Variants in MGMT observed in about 807,000 individuals in gnomAD.
MGMT encodes the protein methylated-DNA--protein-cysteine methyltransferase.
Under a neutral mutation model 15.9 loss-of-function variants are expected in MGMT, and 14 were observed. The ratio of observed to expected loss-of-function variants is 0.88; its 90% confidence interval spans 0.58 to 1.37. MGMT has a LOEUF of 1.37. MGMT is among the 40% of genes most tolerant of loss of function. The pLI, the probability that MGMT is intolerant of heterozygous loss-of-function variation, is 0.00. For missense variants in MGMT, 282 were observed against 268.1 expected, an observed-to-expected ratio of 1.05 and a Z score of -0.36; for synonymous variants, 130 against 118.2, an observed-to-expected ratio of 1.10 and a Z score of -0.65.
At chr10:129,596,680 T>C (rs1290412397) in intron 2 of MGMT, among the ~76,000 whole-genome samples, 1 of 152,216 alleles carries the variant, frequency 6.6e-6, no homozygotes, top group African/African-American at 2.4e-5. Context: ...TTGCACCTGC[T>C]TTTGATGCCT....
At chr10:129,470,783 C>G (rs868483617) in intron 1 of MGMT, among the ~76,000 whole-genome samples, 1 of 152,246 alleles carries the variant, frequency 6.6e-6, no homozygotes, top group African/African-American at 2.4e-5. Context: ...AGTGGCTCAG[C>G]AGCAGAGCAG....
intron 2 of MGMT, among the ~76,000 whole-genome samples, chr10:129,679,618 TG>T (rs1433892382): frequency 6.6e-6 from 1 of 152,194 alleles, no homozygotes; most frequent in Non-Finnish European, 1.5e-5. Context: ...GGACGTGCTG[TG>T]GGGTATTTTT....
chr10:129,582,719 G>A (rs571228407), intron 2 of MGMT, among the ~76,000 whole-genome samples: 1 of 151,822 alleles, frequency 6.6e-6, no homozygotes, highest in Non-Finnish European at 1.5e-5. Context: ...TTCCCCCTTC[G>A]GATAAAGCAT....
At chr10:129,562,437 A>G (rs540575876) in intron 2 of MGMT, among the ~76,000 whole-genome samples, 2 of 152,354 alleles carry the variant, frequency 1.3e-5, no homozygotes, top group South Asian at 2.1e-4. Context: ...GTGATTTATT[A>G]TCGGAGGACA....
intron 3 of MGMT, among the ~76,000 whole-genome samples, chr10:129,731,776 G>T (rs1848500646): frequency 6.6e-6 from 1 of 152,150 alleles, no homozygotes; most frequent in Non-Finnish European, 1.5e-5. Context: ...TATGCTTCTG[G>T]AAATGAGTTT....
At chr10:129,611,427 T>C (rs1427673598) in intron 2 of MGMT, among the ~76,000 whole-genome samples, 1 of 152,136 alleles carries the variant, frequency 6.6e-6, no homozygotes, top group African/African-American at 2.4e-5. Flanking sequence ...ATCATGAGAA[T>C]AGCAAGGGGG....
At chr10:129,581,919 A>G (rs963582632) in intron 2 of MGMT, among the ~76,000 whole-genome samples, 1 of 152,196 alleles carries the variant, frequency 6.6e-6, no homozygotes, top group African/African-American at 2.4e-5. Flanking sequence ...AGTGTACTCA[A>G]TCAGCTTTCT....
At chr10:129,642,081 G>T (rs1486630939) in intron 2 of MGMT, among the ~76,000 whole-genome samples, 2 of 152,152 alleles carry the variant, frequency 1.3e-5, no homozygotes, top group Non-Finnish European at 2.9e-5. Context: ...TTGTTGGACA[G>T]CAACAGAACT....
At chr10:129,493,329 G>A (rs750805150) in intron 1 of MGMT, among the ~76,000 whole-genome samples, 39 of 152,122 alleles carry the variant, frequency 2.6e-4, no homozygotes, top group Non-Finnish European at 5.3e-4. Flanking sequence ...GTCATGAGGT[G>A]TGCACCTTCT....
chr10:129,473,712 G>A (rs558065790), intron 1 of MGMT, among the ~76,000 whole-genome samples: 11 of 152,372 alleles, frequency 7.2e-5, no homozygotes, highest in African/African-American at 2.6e-4. Flanking sequence ...ATGTGACCAA[G>A]TGTTGTCTTT....
At position 129,525,846 on chromosome 10, in the gene MGMT, C is replaced by A. The variant is rs138778180; in HGVS notation, c.-12-10395C>A. ...GTAGCCGGGTTCACAGAACTTTAGCCACAAACAGGAGTGTTTCCCTTTTTC... is the reference window on the plus strand; with the variant it reads ...GTAGCCGGGTTCACAGAACTTTAGCAACAAACAGGAGTGTTTCCCTTTTTC... On this transcript the variant is annotated intron_variant, in intron 1 of 4. Transcript: ENST00000651593. Among the ~76,000 whole-genome samples the A allele has an allele frequency of 5.9e-3, 897 of 152,300 alleles. 3 individuals carry two copies. Among genetic ancestry groups the A allele is most frequent in the Non-Finnish European group, 9.6e-3 (650 of 68,024 alleles).
intron 3 of MGMT, among the ~76,000 whole-genome samples, chr10:129,743,496 C>G (rs1390433890): frequency 6.6e-6 from 1 of 152,228 alleles, no homozygotes; most frequent in African/African-American, 2.4e-5. Flanking sequence ...GCCCACAGTT[C>G]TGACAGAGGT....
intron 2 of MGMT, among the ~76,000 whole-genome samples, chr10:129,575,643 A>G (rs1225262729): frequency 8.3e-4 from 120 of 143,724 alleles, no homozygotes; most frequent in South Asian, 9.1e-4. Context: ...GCAAGAGCAA[A>G]CACATTCAAA....
intron 3 of MGMT, among the ~76,000 whole-genome samples, chr10:129,732,628 A>G (rs1209717606): frequency 6.6e-6 from 1 of 150,426 alleles, no homozygotes; most frequent in Non-Finnish European, 1.5e-5. Context: ...ACATATGTAT[A>G]CATGTGCCAT....
intron 1 of MGMT, among the ~76,000 whole-genome samples, chr10:129,488,513 G>C (rs1042125089): frequency 6.6e-6 from 1 of 152,124 alleles, no homozygotes; most frequent in Non-Finnish European, 1.5e-5. Flanking sequence ...TTGTGGCCAT[G>C]TTTTCATTCT....
intron 2 of MGMT, among the ~76,000 whole-genome samples, chr10:129,668,731 C>T (rs981806225): frequency 2.0e-5 from 3 of 152,096 alleles, no homozygotes; most frequent in Non-Finnish European, 4.4e-5. Flanking sequence ...TAAGACATTT[C>T]CATTAGTATA....
Position 129,659,944 on chromosome 10 carries a change from G to A in MGMT, c.126-47951G>A, listed in dbSNP as rs1349240149. Among the ~76,000 whole-genome samples the A allele has an allele frequency of 2.0e-5, 3 of 152,188 alleles. No homozygotes were observed. The highest frequency in any genetic ancestry group is 1.3e-4 in the Admixed American group (2 of 15,290). Reference sequence around the variant, plus strand: ...CTCTCTATGGCATTAGTAGATGCTGGAAGATGAGGCCGTGTTTTCTCTTTC... The same window carrying A: ...CTCTCTATGGCATTAGTAGATGCTGAAAGATGAGGCCGTGTTTTCTCTTTC... On this transcript the variant is annotated intron_variant, in intron 2 of 4. Transcript: ENST00000651593. This position sits in a 1 kb window ranked among gnomAD's most constrained non-coding sequence, Gnocchi z 4.1.
Position 129,708,051 on chromosome 10 carries a change from AC to A in MGMT, c.274+9del, listed in dbSNP as rs768954414. 6 of 1,609,868 alleles carry A rather than the reference AC, an allele frequency of 3.7e-6. No homozygotes were observed. In the Middle Eastern group the frequency reaches 6.6e-4, roughly 178 times the overall value. On this transcript the variant is annotated intron_variant, in intron 3 of 4. Transcript: ENST00000651593. ...ATCCCGTTTTCCAGCAAGGTCGGTA[AC>A]TAAGCCATCTGCGGTGTTTCCTTTG...
At chr10:129,639,969 G>A in intron 2 of MGMT, among the ~76,000 whole-genome samples, 1 of 148,312 alleles carries the variant, frequency 6.7e-6, no homozygotes. Context: ...AAAAGAGAGT[G>A]AAGTCATATA....
Sources: allele counts gnomAD v4.1 joint callset (sites outside exome capture counted in the v4.1 genomes callset), GRCh38; gene constraint gnomAD v4.1.1; non-coding constraint Gnocchi (gnomAD v3.1); transcripts MANE v1.5; gene names NCBI Gene and HGNC (gene_info 2026-07-23, HGNC 2026-07-21).